Variants in CEP63 observed in about 807,000 individuals in gnomAD.
CEP63 encodes centrosomal protein of 63 kDa.
A neutral mutation model predicts 89.1 loss-of-function variants in CEP63; 84 were observed. The observed-to-expected ratio is 0.94, with a 90% CI of 0.79 to 1.13. CEP63 has a LOEUF of 1.13. Ranked by LOEUF, CEP63 falls within the 50% of genes most tolerant of loss-of-function variation. The probability of loss-of-function intolerance (pLI) is 0.00; values close to 1 mark genes in which losing one functional copy is unlikely to be tolerated. For missense variants in CEP63, 838 were observed against 813.3 expected (o/e 1.03, Z -0.37); for synonymous variants, 267 against 272.5 (o/e 0.98, Z 0.20).
At chr3:134,621,534 A>G in the CEP63 span, among the ~76,000 whole-genome samples, 1 of 152,194 alleles carries the variant, frequency 6.6e-6, no homozygotes, top group East Asian at 1.9e-4. Flanking sequence ...ATAAACTTGG[A>G]TCTCTACCTC....
chr3:134,572,431 A>G (rs1958050519), intron 11 of CEP63, among the ~76,000 whole-genome samples: 1 of 151,844 alleles, frequency 6.6e-6, no homozygotes, highest in African/African-American at 2.4e-5. Flanking sequence ...TTCTATCCCC[A>G]GTGTCTATTG....
the CEP63 span, among the ~76,000 whole-genome samples, chr3:134,709,487 TG>T: frequency 9.8e-5 from 1 of 10,218 alleles, no homozygotes; most frequent in Admixed American, 1.4e-3. Flanking sequence ...CAGAAATAAC[TG>T]GGGGGTGGGG....
the CEP63 span, among the ~76,000 whole-genome samples, chr3:134,745,638 C>T: frequency 6.6e-6 from 1 of 151,968 alleles, no homozygotes; most frequent in South Asian, 2.1e-4. Context: ...CACCCATTAA[C>T]TCGTCATTTA....
intron 2 of CEP63, among the ~76,000 whole-genome samples, chr3:134,500,081 C>A (rs1427841574): frequency 6.6e-6 from 1 of 152,144 alleles, no homozygotes; most frequent in African/African-American, 2.4e-5. Flanking sequence ...CCGCCTCAGC[C>A]TCCCAAAGTG....
chr3:134,710,137 T>G, the CEP63 span, among the ~76,000 whole-genome samples: 1 of 152,202 alleles, frequency 6.6e-6, no homozygotes, highest in Non-Finnish European at 1.5e-5. Flanking sequence ...GCAAGTATCT[T>G]TCAAGAGAGT....
At chr3:134,779,596 A>G in the CEP63 span, 2 of 152,224 alleles carry the variant, frequency 1.3e-5, no homozygotes, top group Non-Finnish European at 2.9e-5. Flanking sequence ...TGCATTTCCC[A>G]GCCTCCCTTT....
At chr3:134,575,575 T>TCCTC (rs767086336), downstream of CEP63, among the ~76,000 whole-genome samples, 3 of 121,590 alleles carry the variant, frequency 2.5e-5, no homozygotes, top group East Asian at 2.7e-4. Flanking sequence ...GTGGCCCTCT[T>TCCTC]CCTCCCTCCC....
At chr3:134,759,280 A>T in the CEP63 span, among the ~76,000 whole-genome samples, 1 of 152,116 alleles carries the variant, frequency 6.6e-6, no homozygotes, top group East Asian at 1.9e-4. Flanking sequence ...ATAAGATTAG[A>T]CCTTTGAGGC....
At chr3:134,719,851 C>A in the CEP63 span, among the ~76,000 whole-genome samples, 29 of 152,262 alleles carry the variant, frequency 1.9e-4, no homozygotes, top group Non-Finnish European at 2.6e-4. Flanking sequence ...AGATGTATCA[C>A]ATTTTGTCTA....
At chr3:134,615,389 T>C in the CEP63 span, 8 of 147,330 alleles carry the variant, frequency 5.4e-5, no homozygotes, top group East Asian at 2.1e-4. Context: ...AAAACATCTA[T>C]TGGGAAAATG....
At chr3:134,692,429 A>G in the CEP63 span, among the ~76,000 whole-genome samples, 1 of 151,794 alleles carries the variant, frequency 6.6e-6, no homozygotes, top group Admixed American at 6.6e-5. Context: ...ATGTCCCTAC[A>G]AAGGATATGA....
At chr3:134,729,641 G>A in the CEP63 span, among the ~76,000 whole-genome samples, 2 of 152,172 alleles carry the variant, frequency 1.3e-5, no homozygotes, top group African/African-American at 2.4e-5. Context: ...ATAGAATAAG[G>A]TCTGGTTCAA....
At chr3:134,507,075 T>G in intron 2 of CEP63, 34 bp from the exon 3 acceptor site, 1 of 1,572,998 alleles carries the variant, frequency 6.4e-7, no homozygotes, top group Non-Finnish European at 8.7e-7. Context: ...TGAACATATC[T>G]TCTGTTTTTT....
the CEP63 span, chr3:134,643,304 C>G: frequency 2.0e-5 from 32 of 1,613,262 alleles, no homozygotes; most frequent in Non-Finnish European, 2.5e-5. Context: ...CGGCTAGCGG[C>G]GAATCACTTA....
the CEP63 span, among the ~76,000 whole-genome samples, chr3:134,673,205 C>G: frequency 2.6e-5 from 4 of 152,294 alleles, no homozygotes; most frequent in South Asian, 6.2e-4. Context: ...GAACCTCGTC[C>G]CAGAACCCCT....
the CEP63 span, among the ~76,000 whole-genome samples, chr3:134,658,569 T>C: frequency 6.6e-6 from 1 of 152,306 alleles, no homozygotes; most frequent in East Asian, 1.9e-4. Flanking sequence ...AATGTTTGAA[T>C]CAAATTGGAC....
At chr3:134,724,807 G>A in the CEP63 span, among the ~76,000 whole-genome samples, 3 of 152,096 alleles carry the variant, frequency 2.0e-5, no homozygotes, top group African/African-American at 7.2e-5. Flanking sequence ...AAGGCCTATT[G>A]CAGTTTCCAA....
At chr3:134,577,419 T>G (rs1244414969), downstream of CEP63, among the ~76,000 whole-genome samples, 1 of 149,802 alleles carries the variant, frequency 6.7e-6, no homozygotes. Flanking sequence ...TTTTGTGGCC[T>G]TTTCTAATCC....
At chr3:134,626,699 C>A in the CEP63 span, among the ~76,000 whole-genome samples, 1 of 152,328 alleles carries the variant, frequency 6.6e-6, no homozygotes, top group South Asian at 2.1e-4. Flanking sequence ...TCATGACCCT[C>A]TTCTGGGCCA....
Sources: gnomAD v4.1 joint callset for allele counts (sites outside exome capture counted in the v4.1 genomes callset) on GRCh38, gnomAD v4.1.1 for gene constraint, MANE v1.5 for transcripts, NCBI Gene and HGNC (gene_info 2026-07-23, HGNC 2026-07-21) for gene names.